Variants in ATP12A observed in about 807,000 individuals in gnomAD.
The protein encoded by ATP12A is potassium-transporting ATPase alpha chain 2.
In ATP12A, 81 loss-of-function variants were observed where a neutral mutation model predicts 111.2. That is an observed-to-expected ratio of 0.73 (90% CI 0.61 to 0.88). The LOEUF (loss-of-function observed/expected upper bound fraction) is 0.88, where lower values mean the gene tolerates loss of function less well. ATP12A is among the 40% of genes least tolerant of loss of function. ATP12A has a pLI of 0.00. For synonymous variants in ATP12A, 498 were observed against 499.8 expected (o/e 1.00, Z 0.05); for missense variants, 1,196 against 1,313.1 (o/e 0.91, Z 1.38).
intron 17 of ATP12A, among the ~76,000 whole-genome samples, chr13:24,708,272 G>A (rs1015734706): frequency 2.0e-5 from 3 of 152,250 alleles, no homozygotes; most frequent in South Asian, 2.1e-4. Flanking sequence ...AGAAAGCCCC[G>A]TCTAAGCTGC....
intron 2 of ATP12A, among the ~76,000 whole-genome samples, chr13:24,684,667 T>C (rs1275978070): frequency 1.3e-5 from 2 of 152,234 alleles, no homozygotes; most frequent in Non-Finnish European, 2.9e-5. Flanking sequence ...CAACAAAGAA[T>C]TATTCTCCCA....
chr13:24,685,282 A>G lies in ATP12A; in HGVS notation c.169-32A>G, dbSNP rs1874627377. On this transcript the variant is annotated intron_variant, in intron 2 of 22. Transcript: ENST00000381946. The surrounding 1 kb of genome is among the most constrained non-coding windows in gnomAD (Gnocchi z 5.5). ...GGCTTGAGTCTTTTGGAATTATCTA[A>G]TTCACTCTGTTCTTCCTTTCATGGA... 1 of 1,604,548 alleles carries G rather than the reference A, an allele frequency of 6.2e-7. No homozygotes were observed. The highest frequency in any genetic ancestry group is 8.5e-7 in the Non-Finnish European group (1 of 1,171,434).
intron 2 of ATP12A, among the ~76,000 whole-genome samples, chr13:24,682,002 T>G (rs1159649814): frequency 8.1e-6 from 1 of 123,242 alleles, no homozygotes; most frequent in Non-Finnish European, 1.7e-5. Context: ...TGGTGTGTGG[T>G]GTGTGTATAT....
chr13:24,711,839 C>G lies in ATP12A; in HGVS notation c.*317C>G. On this transcript the variant is annotated 3_prime_UTR_variant, in exon 23 of 23. Coordinates refer to ENST00000381946, the MANE Select transcript of ATP12A (RefSeq NM_001676.7). ...TTGATGTTAATAGTCTTGTGTAACC[C>G]AGGCATCTACTGGGGCCTGCCTTAA... The G allele has an allele frequency of 4.9e-6, 2 of 408,266 alleles. No homozygotes were observed. The highest frequency in any genetic ancestry group is 4.7e-5 in the South Asian group (2 of 42,248). 25.3% of individuals were successfully genotyped at this position (408,266 alleles called of 1,614,324 possible).
rs545376917 is a variant in ATP12A, at chr13:24,701,756, T to C, written c.1882-179T>C. Reference sequence around the variant, plus strand: ...AGCGTATGAAGCTTAGGAGCAAGGGTAGACCCAATGGGATTAGTGTTTCCT... The same window carrying C: ...AGCGTATGAAGCTTAGGAGCAAGGGCAGACCCAATGGGATTAGTGTTTCCT... On this transcript the variant is annotated intron_variant, in intron 13 of 22. Transcript: ENST00000381946. Among the ~76,000 whole-genome samples, 3 of 152,212 alleles carry C rather than the reference T, an allele frequency of 2.0e-5. No individual in the cohort carries two copies. In the South Asian group the frequency reaches 6.2e-4, roughly 32 times the overall value.
chr13:24,681,972 TG>T (rs879796390), intron 2 of ATP12A, among the ~76,000 whole-genome samples: 5,409 of 134,870 alleles, frequency 0.04, 199 homozygotes, highest in African/African-American at 0.07. Context: ...GTGTGGTGTA[TG>T]GTGTGTGGTG....
intron 14 of ATP12A, among the ~76,000 whole-genome samples, chr13:24,705,183 G>A (rs1010765558): frequency 5.3e-5 from 8 of 152,210 alleles, no homozygotes; most frequent in African/African-American, 1.9e-4. Context: ...GAGATTTGAA[G>A]GCTGAAATGT....
intron 14 of ATP12A, among the ~76,000 whole-genome samples, chr13:24,705,072 C>T (rs1374787512): frequency 6.6e-6 from 1 of 152,118 alleles, no homozygotes; most frequent in African/African-American, 2.4e-5. Flanking sequence ...GCTAGAATTC[C>T]AGTATTTAGC....
chr13:24,702,740 C>T (rs1875449948), intron 14 of ATP12A, among the ~76,000 whole-genome samples: 1 of 152,184 alleles, frequency 6.6e-6, no homozygotes, highest in South Asian at 2.1e-4. Context: ...CTGAACAATA[C>T]TATCCACACC....
intron 11 of ATP12A, among the ~76,000 whole-genome samples, chr13:24,697,658 A>T (rs865913726): frequency 0.026 from 3,664 of 143,172 alleles, 164 homozygotes; most frequent in African/African-American, 0.089. Flanking sequence ...AAAAAAAAAA[A>T]TTTAAGAGAG....
chr13:24,687,740 G>A (rs1874722225), intron 3 of ATP12A, among the ~76,000 whole-genome samples: 2 of 152,196 alleles, frequency 1.3e-5, no homozygotes, highest in Non-Finnish European at 2.9e-5. Context: ...CAGGCGTAAG[G>A]ATGGAAACTA....
In ATP12A at chr13:24,689,390, C is replaced by T. The variant is rs753661206; in HGVS notation, c.546+15C>T. 3 of 1,608,264 alleles carry T rather than the reference C, an allele frequency of 1.9e-6. No homozygotes were observed. Among genetic ancestry groups the T allele is most frequent in the South Asian group, 1.1e-5 (1 of 90,928 alleles). On this transcript the variant is annotated intron_variant, in intron 5 of 22. Coordinates refer to ENST00000381946, the MANE Select transcript of ATP12A (RefSeq NM_001676.7). ...TGATCCCTCAGGTGAGTGGCAGCCA[C>T]CTATCCTCTGGCCTCTGGTGACTCC...
At chr13:24,680,773 G>C (rs1168305200) in intron 1 of ATP12A, 21 bp downstream of exon 1, 26 of 1,484,208 alleles carry the variant, frequency 1.8e-5, no homozygotes, top group Non-Finnish European at 2.3e-5. Context: ...CCCCCGCGCC[G>C]GCCGAGGATG....
chr13:24,682,054 T>G (rs1023819445), intron 2 of ATP12A, among the ~76,000 whole-genome samples: 16 of 135,084 alleles, frequency 1.2e-4, no homozygotes, highest in Non-Finnish European at 2.5e-4. Flanking sequence ...GTGGTGTGTG[T>G]GTATGGTGTG....
intron 11 of ATP12A, among the ~76,000 whole-genome samples, chr13:24,696,858 C>T (rs1177803365): frequency 2.0e-5 from 3 of 151,642 alleles, no homozygotes; most frequent in Non-Finnish European, 4.4e-5. Flanking sequence ...CTCACCAGGG[C>T]TTTAGATGTC....
intron 3 of ATP12A, among the ~76,000 whole-genome samples, chr13:24,687,451 G>A (rs1029916938): frequency 1.2e-4 from 17 of 143,382 alleles, no homozygotes; most frequent in African/African-American, 2.6e-4. Context: ...GCAACAGAGC[G>A]AGACTCTGTC....
chr13:24,707,420 T>A lies in ATP12A; in HGVS notation c.2480T>A (p.Leu827Ter). The change falls in exon 17 of 23, where the codon TTG (leucine) becomes TAG (stop). Residue 827 changes from leucine to a stop codon, truncating the protein, a stop_gained. Coordinates refer to ENST00000381946, the MANE Select transcript of ATP12A (RefSeq NM_001676.7). LOFTEE classifies it high-confidence loss of function. ...IGTITILFID[L>*]GTDIIPSIAL... Reference sequence around the variant, plus strand: ...ACCATCACCATTCTGTTCATTGACTTGGGGACAGACATTGTAAGTGACACT... The same window carrying A: ...ACCATCACCATTCTGTTCATTGACTAGGGGACAGACATTGTAAGTGACACT... 1 of 1,614,214 alleles carries A rather than the reference T, an allele frequency of 6.2e-7. No homozygotes were observed. The highest frequency in any genetic ancestry group is 8.5e-7 in the Non-Finnish European group (1 of 1,180,034).
intron 14 of ATP12A, chr13:24,703,651 A>G (rs1042485889): frequency 1.3e-5 from 2 of 152,124 alleles, no homozygotes; most frequent in African/African-American, 4.8e-5. Context: ...ATTCACTACT[A>G]CCTTCAGACC....
chr13:24,687,677 C>T (rs534674691), intron 3 of ATP12A, among the ~76,000 whole-genome samples: 1 of 152,328 alleles, frequency 6.6e-6, no homozygotes, highest in East Asian at 1.9e-4. Context: ...GGATTTATGC[C>T]TGTCAAGATG....
Sources: allele counts gnomAD v4.1 joint callset (sites outside exome capture counted in the v4.1 genomes callset), GRCh38; gene constraint gnomAD v4.1.1; non-coding constraint Gnocchi (gnomAD v3.1); transcripts MANE v1.5; gene names NCBI Gene and HGNC (gene_info 2026-07-23, HGNC 2026-07-21).